The following EFNA5 variants were observed in gnomAD, a reference collection of about 807,000 sequenced individuals.
The protein encoded by EFNA5 is ephrin A5.
Under a neutral mutation model 22.9 loss-of-function variants are expected in EFNA5, and 5 were observed. That is an observed-to-expected ratio of 0.22 (90% confidence interval 0.11 to 0.46). EFNA5 has a LOEUF of 0.46. Among genes scored for constraint, EFNA5 ranks in the 20% least tolerant of loss-of-function variants. EFNA5 has a pLI of 0.99. For missense variants in EFNA5, 237 were observed against 293.3 expected, an observed-to-expected ratio of 0.81 and a Z score of 1.40; for synonymous variants, 113 against 112.2, an observed-to-expected ratio of 1.01 and a Z score of -0.04.
chr5:107,512,589 T>A (rs913623348), intron 1 of EFNA5, among the ~76,000 whole-genome samples: 1 of 151,950 alleles, frequency 6.6e-6, no homozygotes, highest in African/African-American at 2.4e-5. Context: ...ATTATTGCCA[T>A]TAAAATAGAG....
chr5:107,617,209 TAC>T lies in EFNA5; in HGVS notation c.125+53278_125+53279del, dbSNP rs373146585. ...CATTACACATACTTACATGTGCACA[TAC>T]ACACACACACACACACACACACACA... On this transcript the variant is annotated intron_variant, in intron 1 of 4. Coordinates refer to ENST00000333274, the MANE Select transcript of EFNA5 (RefSeq NM_001962.3). 3.7e-3 allele frequency among the ~76,000 whole-genome samples: 522 copies of T among 140,840 alleles called. 4 individuals are homozygous for T. The highest frequency in any genetic ancestry group is 0.01 in the African/African-American group (357 of 35,664). 92.4% of individuals were successfully genotyped at this position (140,840 alleles called of 152,430 possible). A position where few individuals can be genotyped will look rare whatever the true frequency, so the allele number is the denominator to read the frequency against.
chr5:107,503,133 A>G lies in EFNA5; in HGVS notation c.126-75624T>C, dbSNP rs562369604. 3.3e-5 allele frequency among the ~76,000 whole-genome samples: 5 copies of G among 152,268 alleles called. No individual in the cohort carries two copies. The South Asian group carries it at 8.3e-4, about 25-fold the overall frequency. On this transcript the variant is annotated intron_variant, in intron 1 of 4. Coordinates refer to ENST00000333274, the MANE Select transcript of EFNA5 (RefSeq NM_001962.3). ...GGGTGCAGTTTCAGCTGTGAACTCC[A>G]CTGTTTACTACCAGGTCATCTATTG...
At chr5:107,599,059 G>A (rs1442926072) in intron 1 of EFNA5, among the ~76,000 whole-genome samples, 2 of 152,154 alleles carry the variant, frequency 1.3e-5, no homozygotes, top group African/African-American at 2.4e-5. Flanking sequence ...ATAAAAACAT[G>A]CATATTTGGT....
chr5:107,668,529 C>G (rs191981361), intron 1 of EFNA5, among the ~76,000 whole-genome samples: 1 of 152,058 alleles, frequency 6.6e-6, no homozygotes, highest in Non-Finnish European at 1.5e-5. Flanking sequence ...TCCGTTTTAA[C>G]CCAGGAAGAC....
chr5:107,596,427 T>C (rs1749475273), intron 1 of EFNA5, among the ~76,000 whole-genome samples: 1 of 152,162 alleles, frequency 6.6e-6, no homozygotes, highest in Non-Finnish European at 1.5e-5. Context: ...ATTTGAGGTG[T>C]AGCATATGAC....
At chr5:107,411,574 C>T (rs1748367168) in intron 2 of EFNA5, among the ~76,000 whole-genome samples, 1 of 152,222 alleles carries the variant, frequency 6.6e-6, no homozygotes, top group African/African-American at 2.4e-5. Context: ...ATCCCCACCA[C>T]TGTCTTGGTT....
intron 1 of EFNA5, among the ~76,000 whole-genome samples, chr5:107,521,705 G>T (rs78583456): frequency 5.0e-4 from 76 of 152,132 alleles, no homozygotes; most frequent in African/African-American, 1.5e-3. Flanking sequence ...TCGCCAGCCT[G>T]GGAAAAGATC....
rs754669041 is a variant in EFNA5, at chr5:107,381,305, G to T, written c.637C>A (p.Arg213Ser). 6.2e-7 allele frequency: 1 copy of T among 1,614,062 alleles called. No homozygotes were observed. Among genetic ancestry groups the T allele is most frequent in the Admixed American group, 1.7e-5 (1 of 60,024 alleles). Residue 213 changes from arginine (R) to serine (S), a missense_variant, in exon 5 of 5, where the codon CGC becomes AGC. By Grantham distance (110) the Arg-to-Ser change is moderately radical. Transcript: ENST00000333274. The part of the protein sequence containing the change: ...NAAQTPRIPS[R>S]LLAILLFLLA... ...AGGAACAGTAGGATTGCCAAAAGGC[G>T]GCTGGGTATCCTTGGTGTTTGTGCC...
intron 1 of EFNA5, among the ~76,000 whole-genome samples, chr5:107,550,081 A>G (rs891701158): frequency 6.6e-6 from 1 of 152,238 alleles, no homozygotes; most frequent in Non-Finnish European, 1.5e-5. Flanking sequence ...AGACATTAAC[A>G]AAGAAAACTG....
chr5:107,431,185 A>G (rs1748947728), intron 1 of EFNA5, among the ~76,000 whole-genome samples: 2 of 152,210 alleles, frequency 1.3e-5, no homozygotes, highest in South Asian at 4.1e-4. Flanking sequence ...TAGTTTAGTA[A>G]TGTACATTTC....
chr5:107,522,681 A>C (rs1238352468), intron 1 of EFNA5, among the ~76,000 whole-genome samples: 5 of 152,132 alleles, frequency 3.3e-5, no homozygotes, highest in Admixed American at 3.3e-4. Context: ...ATGAGTTGCT[A>C]TGCCTGGCCT....
intron 1 of EFNA5, among the ~76,000 whole-genome samples, chr5:107,434,989 C>T (rs1749067680): frequency 6.6e-6 from 1 of 152,172 alleles, no homozygotes; most frequent in Admixed American, 6.5e-5. Flanking sequence ...GCAAATTTAT[C>T]AGCTTAGGGT....
intron 1 of EFNA5, among the ~76,000 whole-genome samples, chr5:107,497,713 T>G (rs1056133502): frequency 6.6e-6 from 1 of 152,146 alleles, no homozygotes; most frequent in African/African-American, 2.4e-5. Flanking sequence ...AAAATGAGAA[T>G]GTAGGACTCC....
At chr5:107,666,874 C>T (rs1751088185) in intron 1 of EFNA5, among the ~76,000 whole-genome samples, 1 of 152,090 alleles carries the variant, frequency 6.6e-6, no homozygotes, top group Non-Finnish European at 1.5e-5. Context: ...GATGAAGAGG[C>T]ATGTTCTTAG....
At chr5:107,464,270 T>C (rs1020980770) in intron 1 of EFNA5, among the ~76,000 whole-genome samples, 2 of 152,130 alleles carry the variant, frequency 1.3e-5, no homozygotes, top group Non-Finnish European at 2.9e-5. Context: ...CAGGGGTATA[T>C]GTCTCAGAAT....
chr5:107,642,130 G>A (rs1197972138), intron 1 of EFNA5, among the ~76,000 whole-genome samples: 1 of 152,118 alleles, frequency 6.6e-6, no homozygotes, highest in African/African-American at 2.4e-5. Context: ...TATTTCCTGT[G>A]TTCCCAAATC....
intron 1 of EFNA5, among the ~76,000 whole-genome samples, chr5:107,452,771 A>G (rs994348508): frequency 6.6e-6 from 1 of 152,180 alleles, no homozygotes; most frequent in Non-Finnish European, 1.5e-5. Flanking sequence ...AAATTATTAT[A>G]TCTTATGTTT....
intron 1 of EFNA5, among the ~76,000 whole-genome samples, chr5:107,453,042 ATCTC>A (rs1450996174): frequency 3.3e-5 from 5 of 152,200 alleles, no homozygotes; most frequent in Non-Finnish European, 7.3e-5. Flanking sequence ...TTTTAAATAA[ATCTC>A]TATTTGATCT....
chr5:107,604,346 T>A (rs1749667619), intron 1 of EFNA5, among the ~76,000 whole-genome samples: 1 of 104,564 alleles, frequency 9.6e-6, no homozygotes, highest in South Asian at 6.5e-4. Context: ...TGGCTCTGAT[T>A]TTTTTTTTTA....
Sources: gnomAD v4.1 joint callset for allele counts (sites outside exome capture counted in the v4.1 genomes callset) on GRCh38, gnomAD v4.1.1 for gene constraint, MANE v1.5 for transcripts, NCBI Gene and HGNC (gene_info 2026-07-23, HGNC 2026-07-21) for gene names.